ESR1: variants seen among roughly 807,000 people sequenced by gnomAD.
ESR1 encodes the protein estrogen receptor 1.
Under a neutral mutation model 52.7 loss-of-function variants are expected in ESR1, and 12 were observed. That is an observed-to-expected ratio of 0.23 (90% CI 0.15 to 0.37). The LOEUF is 0.37. ESR1 is among the 10% of genes least tolerant of loss of function. The probability of loss-of-function intolerance (pLI) is 1.00; values close to 1 mark genes in which losing one functional copy is unlikely to be tolerated. For synonymous variants in ESR1, 305 were observed against 316.8 expected (o/e 0.96, Z 0.39); for missense variants, 584 against 779.7 (o/e 0.75, Z 2.99).
chr6:152,028,462 C>T (rs1002089570), intron 5 of ESR1, among the ~76,000 whole-genome samples: 22 of 152,124 alleles, frequency 1.4e-4, no homozygotes, highest in Non-Finnish European at 2.6e-4. Flanking sequence ...TGGGCTTTTC[C>T]GATGGTCTTA....
At chr6:151,896,305 T>C (rs1290393407) in intron 3 of ESR1, among the ~76,000 whole-genome samples, 2 of 152,230 alleles carry the variant, frequency 1.3e-5, no homozygotes, top group Non-Finnish European at 2.9e-5. Context: ...TGTGAATTCA[T>C]CTGGTCCTGG....
At chr6:152,005,293 G>A (rs1456172461) in intron 4 of ESR1, among the ~76,000 whole-genome samples, 1 of 151,974 alleles carries the variant, frequency 6.6e-6, no homozygotes, top group Non-Finnish European at 1.5e-5. Context: ...TCCACATGCT[G>A]TTGTTCCCTC....
At position 152,102,894 on chromosome 6, in the gene ESR1, G is replaced by C. The variant is rs2051004033; in HGVS notation, c.*3928G>C. The C allele has an allele frequency of 1.3e-5, 3 of 226,090 alleles. No individual in the cohort carries two copies. The highest frequency in any genetic ancestry group is 6.7e-5 in the African/African-American group (3 of 44,916). The allele number at this position is 226,090 out of a possible 1,614,324, so 14.0% of individuals were successfully genotyped here. A position where few individuals can be genotyped will look rare whatever the true frequency, so the allele number is the denominator to read the frequency against. On this transcript the variant is annotated 3_prime_UTR_variant, in exon 8 of 8. Coordinates refer to ENST00000206249, the MANE Select transcript of ESR1 (RefSeq NM_000125.4). Reference sequence around the variant, plus strand: ...GAAACAACATATTGTCCCATGAGCAGGTGCCTGAGACACAGACCCCTTTGC... The same window carrying C: ...GAAACAACATATTGTCCCATGAGCACGTGCCTGAGACACAGACCCCTTTGC...
upstream of ESR1, chr6:151,805,382 G>T (rs549984462): frequency 6.6e-6 from 1 of 152,226 alleles, no homozygotes; most frequent in Non-Finnish European, 1.5e-5. Context: ...TTAGCCGTAA[G>T]ACTATGATTC....
At chr6:151,769,334 G>A (rs1785319231) in intron 2 of ESR1, among the ~76,000 whole-genome samples, 1 of 152,128 alleles carries the variant, frequency 6.6e-6, no homozygotes, top group Non-Finnish European at 1.5e-5. Flanking sequence ...TGACTAAGGA[G>A]GAACTATTAT....
chr6:151,950,778 T>C (rs9340906), intron 4 of ESR1, among the ~76,000 whole-genome samples: 3 of 152,190 alleles, frequency 2.0e-5, no homozygotes, highest in Admixed American at 1.3e-4. Flanking sequence ...TTCAGACTTC[T>C]AGCCTCCAGA....
chr6:151,973,077 C>A (rs1211874013), intron 4 of ESR1, among the ~76,000 whole-genome samples: 3 of 152,192 alleles, frequency 2.0e-5, no homozygotes, highest in Non-Finnish European at 4.4e-5. Flanking sequence ...AGCTCACTGA[C>A]TCAAATGTTA....
At chr6:151,813,621 A>T (rs1779174775) in intron 1 of ESR1, 1 of 152,196 alleles carries the variant, frequency 6.6e-6, no homozygotes, top group Non-Finnish European at 1.5e-5. Context: ...AAAAAATTTA[A>T]AAGAACCCAA....
At chr6:152,025,346 T>C (rs1262739694) in intron 5 of ESR1, among the ~76,000 whole-genome samples, 1 of 151,784 alleles carries the variant, frequency 6.6e-6, no homozygotes, top group Admixed American at 6.6e-5. Flanking sequence ...ATTGGTAGAA[T>C]TCTACCTTTG....
At chr6:152,036,292 G>A (rs1396224433) in intron 5 of ESR1, among the ~76,000 whole-genome samples, 4 of 152,074 alleles carry the variant, frequency 2.6e-5, no homozygotes, top group Admixed American at 6.6e-5. Flanking sequence ...CCTGGGAGGC[G>A]GAGCTTGCAG....
At chr6:152,072,539 G>A (rs2048434039) in intron 6 of ESR1, among the ~76,000 whole-genome samples, 1 of 152,150 alleles carries the variant, frequency 6.6e-6, no homozygotes, top group South Asian at 2.1e-4. Context: ...TGAACATGGG[G>A]TTTTGCTATC....
chr6:152,116,070 T>C (rs1176575553), intron 6 of ESR1, among the ~76,000 whole-genome samples: 1 of 152,184 alleles, frequency 6.6e-6, no homozygotes, highest in Non-Finnish European at 1.5e-5. Context: ...TAGTGTACAT[T>C]AAAGGAGGGT....
At chr6:151,974,214 T>G (rs536251122) in intron 4 of ESR1, among the ~76,000 whole-genome samples, 2 of 152,346 alleles carry the variant, frequency 1.3e-5, no homozygotes, top group South Asian at 2.1e-4. Flanking sequence ...ATGAACAAAC[T>G]GATGACACAA....
chr6:151,757,019 A>G (rs1411182228), intron 2 of ESR1, among the ~76,000 whole-genome samples: 1 of 152,210 alleles, frequency 6.6e-6, no homozygotes, highest in Admixed American at 6.5e-5. Flanking sequence ...AAAATTAAAA[A>G]GAAAATAAAT....
At chr6:152,028,164 C>T (rs897055133) in intron 5 of ESR1, among the ~76,000 whole-genome samples, 20 of 152,016 alleles carry the variant, frequency 1.3e-4, no homozygotes, top group Admixed American at 6.6e-4. Context: ...AAATAGGGGG[C>T]GGTTCCAAGA....
Position 152,122,320 on chromosome 6 carries a change from G to A in ESR1, c.851-2946G>A. 22 of 1,561,890 alleles carry A rather than the reference G, an allele frequency of 1.4e-5. No individual in the cohort carries two copies. In the South Asian group the frequency reaches 2.1e-4, roughly 15 times the overall value. ...ACATGTGATCTGGAGGAGGGCTAAA[G>A]CTGCCACACCGAGGGCTTTCGCCAA... On this transcript the variant is annotated intron_variant, in intron 6 of 6. Coordinates refer to the ESR1 transcript ENST00000427531.
chr6:152,055,810 C>T (rs145844341), intron 5 of ESR1, among the ~76,000 whole-genome samples: 75 of 152,284 alleles, frequency 4.9e-4, no homozygotes, highest in Non-Finnish European at 7.6e-4. Context: ...AAGAGGGCTC[C>T]CTAGCTTGCT....
intron 4 of ESR1, among the ~76,000 whole-genome samples, chr6:151,994,726 G>A (rs2041323910): frequency 6.6e-6 from 1 of 152,022 alleles, no homozygotes; most frequent in Admixed American, 6.6e-5. Flanking sequence ...ATACAATACA[G>A]TGCATTCTAG....
At chr6:151,723,687 G>A (rs914655426) in intron 2 of ESR1, among the ~76,000 whole-genome samples, 2 of 152,054 alleles carry the variant, frequency 1.3e-5, no homozygotes, top group Admixed American at 6.6e-5. Flanking sequence ...TGGCCAATAC[G>A]GTGAAACCCT....
Sources: allele counts gnomAD v4.1 joint callset (sites outside exome capture counted in the v4.1 genomes callset), GRCh38; gene constraint gnomAD v4.1.1; transcripts MANE v1.5; gene names NCBI Gene and HGNC (gene_info 2026-07-23, HGNC 2026-07-21).